The following CERS6 variants were observed in gnomAD, a reference collection of about 807,000 sequenced individuals.
CERS6 encodes ceramide synthase 6.
Under a neutral mutation model 56.8 loss-of-function variants are expected in CERS6, and 26 were observed. The observed-to-expected ratio is 0.46, with a 90% CI of 0.34 to 0.63. The LOEUF (loss-of-function observed/expected upper bound fraction) is 0.63. Among genes scored for constraint, CERS6 ranks in the 30% least tolerant of loss-of-function variants. The pLI, the probability that CERS6 is intolerant of heterozygous loss-of-function variation, is 0.01. For missense variants in CERS6, 415 were observed against 467.5 expected (o/e 0.89, Z 1.04); for synonymous variants, 164 against 173.3 (o/e 0.95, Z 0.42).
intron 8 of CERS6, among the ~76,000 whole-genome samples, chr2:168,745,396 C>T (rs1215604028): frequency 6.6e-6 from 1 of 152,098 alleles, no homozygotes; most frequent in East Asian, 1.9e-4. Context: ...CGCCCACCAC[C>T]ACGCCTAGCT....
intron 5 of CERS6, among the ~76,000 whole-genome samples, chr2:168,691,961 T>C (rs937273863): frequency 6.6e-6 from 1 of 152,174 alleles, no homozygotes; most frequent in East Asian, 1.9e-4. Flanking sequence ...TGCACAGTCC[T>C]ATGGGGAGCA....
rs1558998787 is a variant in CERS6, at chr2:168,561,333, GTTTTTC to G, written c.407+17_407+22del. 1 of 1,613,844 alleles carries G rather than the reference GTTTTTC, an allele frequency of 6.2e-7. No homozygotes were observed. The highest frequency in any genetic ancestry group is 1.7e-5 in the Admixed American group (1 of 59,984). ...GTTCTGTGAGAGCATGTAAGTTGCT[GTTTTTC>G]TTTTTGAAAGAAAAGACCTAAGTAC... On this transcript the variant is annotated intron_variant, in intron 3 of 9. Coordinates refer to ENST00000305747, the MANE Select transcript of CERS6 (RefSeq NM_203463.3).
chr2:168,539,761 G>A (rs1390704392), intron 1 of CERS6, among the ~76,000 whole-genome samples: 1 of 152,236 alleles, frequency 6.6e-6, no homozygotes, highest in East Asian at 1.9e-4. Context: ...GGACGTGTTA[G>A]TAGTTCAGCA....
rs1490088121 is a variant in CERS6 at position 168,714,115 on chromosome 2, C to T, written c.610-886C>T. Among the ~76,000 whole-genome samples the T allele has an allele frequency of 4.6e-5, 7 of 152,120 alleles. No homozygotes were observed. The South Asian group carries it at 1.0e-3, about 23-fold the overall frequency. ...TAGATGGTGCTTCTAGCTGTGTCTT[C>T]GTATGGTGGAAGGGGCAAAGCAGTT... On this transcript the variant is annotated intron_variant, in intron 6 of 9. Coordinates refer to ENST00000305747, the MANE Select transcript of CERS6 (RefSeq NM_203463.3).
intron 4 of CERS6, among the ~76,000 whole-genome samples, chr2:168,650,271 AGAG>A (rs1685311600): frequency 6.6e-6 from 1 of 152,106 alleles, no homozygotes; most frequent in African/African-American, 2.4e-5. Flanking sequence ...GTGTCTCATG[AGAG>A]GAGGGGAAGG....
At chr2:168,486,115 T>A (rs1024039334) in intron 1 of CERS6, among the ~76,000 whole-genome samples, 1 of 152,186 alleles carries the variant, frequency 6.6e-6, no homozygotes, top group Non-Finnish European at 1.5e-5. Context: ...ATATTGAACA[T>A]CTTTTCATAT....
At chr2:168,656,544 C>G (rs1459501201) in intron 4 of CERS6, among the ~76,000 whole-genome samples, 1 of 151,808 alleles carries the variant, frequency 6.6e-6, no homozygotes, top group African/African-American at 2.4e-5. Context: ...GTGAGTGTTA[C>G]AGCTCTTAAG....
chr2:168,566,625 TG>T (rs1406043077), intron 3 of CERS6, among the ~76,000 whole-genome samples: 1 of 152,194 alleles, frequency 6.6e-6, no homozygotes, highest in Non-Finnish European at 1.5e-5. Flanking sequence ...AGTGCTATCT[TG>T]TGACCTTCAT....
intron 8 of CERS6, among the ~76,000 whole-genome samples, chr2:168,760,760 T>TTATTTATTTATG (rs1187396087): frequency 1.3e-5 from 2 of 151,742 alleles, no homozygotes; most frequent in African/African-American, 4.8e-5. Context: ...ATTTATTTAT[T>TTATTTATTTATG]TATTTATTTT....
intron 1 of CERS6, among the ~76,000 whole-genome samples, chr2:168,518,956 C>T (rs1013285599): frequency 6.6e-6 from 1 of 152,084 alleles, no homozygotes. Flanking sequence ...GTCAGCAGTT[C>T]CCAACCTGGC....
At chr2:168,720,454 A>T (rs1295602737) in intron 8 of CERS6, among the ~76,000 whole-genome samples, 1 of 152,050 alleles carries the variant, frequency 6.6e-6, no homozygotes, top group Non-Finnish European at 1.5e-5. Context: ...GATTCGACAC[A>T]TTTTCTGGGG....
rs1293482097 is a variant in CERS6 at position 168,639,266 on chromosome 2, C to T, written c.465+8224C>T. Among the ~76,000 whole-genome samples the T allele has an allele frequency of 3.3e-5, 5 of 152,216 alleles. No homozygotes were observed. The South Asian group carries it at 8.3e-4, about 25-fold the overall frequency. On this transcript the variant is annotated intron_variant, in intron 4 of 9. Transcript: ENST00000305747. ...AGAAGGGAGTTGCATTAGTATTCAC[C>T]TCCTGTTTCTACCATGGGAAATAGA... is the stretch of plus-strand genomic sequence containing the variant.
intron 8 of CERS6, among the ~76,000 whole-genome samples, chr2:168,759,527 T>G (rs1684508732): frequency 6.6e-6 from 1 of 152,176 alleles, no homozygotes; most frequent in African/African-American, 2.4e-5. Flanking sequence ...AAGAAAAGAA[T>G]TTATTTTCTT....
intron 1 of CERS6, among the ~76,000 whole-genome samples, chr2:168,543,593 C>CT (rs1336025961): frequency 6.6e-6 from 1 of 152,022 alleles, no homozygotes; most frequent in Non-Finnish European, 1.5e-5. Context: ...TGATTCACGC[C>CT]TTTTTTTGGA....
chr2:168,631,743 TTA>T (rs1265648327), intron 4 of CERS6, among the ~76,000 whole-genome samples: 1 of 121,954 alleles, frequency 8.2e-6, no homozygotes, highest in Non-Finnish European at 1.6e-5. Context: ...TATAACATAA[TTA>T]TATATATTTT....
chr2:168,599,982 C>T (rs1559015072), intron 3 of CERS6, among the ~76,000 whole-genome samples: 1 of 152,056 alleles, frequency 6.6e-6, no homozygotes, highest in Admixed American at 6.6e-5. Flanking sequence ...AGTCATTTGA[C>T]TGATGATATG....
At chr2:168,652,578 A>T (rs1382580242) in intron 4 of CERS6, among the ~76,000 whole-genome samples, 2 of 142,106 alleles carry the variant, frequency 1.4e-5, no homozygotes, top group Admixed American at 6.8e-5. Context: ...AAAGTGTTAA[A>T]AAAAAAAAAA....
chr2:168,500,826 T>C (rs1225935451), intron 1 of CERS6, among the ~76,000 whole-genome samples: 1 of 152,202 alleles, frequency 6.6e-6, no homozygotes, highest in Non-Finnish European at 1.5e-5. Context: ...TGTCTAATTT[T>C]GACAGTGTGT....
chr2:168,745,985 C>T (rs1336796299), intron 8 of CERS6, among the ~76,000 whole-genome samples: 1 of 152,172 alleles, frequency 6.6e-6, no homozygotes, highest in African/African-American at 2.4e-5. Context: ...GGTGCATACC[C>T]GCATCTGGTC....
Sources: allele counts gnomAD v4.1 joint callset (sites outside exome capture counted in the v4.1 genomes callset), GRCh38; gene constraint gnomAD v4.1.1; transcripts MANE v1.5; gene names NCBI Gene and HGNC (gene_info 2026-07-23, HGNC 2026-07-21).